The following FKBP3 variants were observed in gnomAD, a reference collection of about 807,000 sequenced individuals.
FKBP3 encodes peptidyl-prolyl cis-trans isomerase FKBP3.
A neutral mutation model predicts 30.6 loss-of-function variants in FKBP3; 21 were observed. The ratio of observed to expected loss-of-function variants is 0.69; its 90% CI spans 0.49 to 0.99. FKBP3 has a LOEUF of 0.99. Ranked by LOEUF, FKBP3 falls within the 50% of genes least tolerant of loss-of-function variation. The probability of loss-of-function intolerance (pLI) is 0.00; values close to 1 mark genes in which losing one functional copy is unlikely to be tolerated. For synonymous variants in FKBP3, 82 were observed against 91.3 expected, an observed-to-expected ratio of 0.90 and a Z score of 0.58; for missense variants, 283 against 261.6, an observed-to-expected ratio of 1.08 and a Z score of -0.56.
chr14:45,125,076 T>C (rs1022064626), intron 3 of FKBP3, among the ~76,000 whole-genome samples: 16 of 152,128 alleles, frequency 1.1e-4, no homozygotes, highest in African/African-American at 3.6e-4. Flanking sequence ...ACCACCACAC[T>C]TGGCTAATTT....
chr14:45,132,825 G>C (rs1464570910), intron 1 of FKBP3, among the ~76,000 whole-genome samples: 1 of 152,064 alleles, frequency 6.6e-6, no homozygotes, highest in African/African-American at 2.4e-5. Context: ...TTTTACATAC[G>C]ATTCCACATG....
In FKBP3 at chr14:45,122,468, AAAGC is replaced by A. The variant is rs1240699526; in HGVS notation, c.319-852_319-849del. ...CATATCTATTAGTTCCTGAGTTTGA[AAAGC>A]AAGAGAAAAGTGTTTTCTTTATTCC... On this transcript the variant is annotated intron_variant, in intron 3 of 6. Coordinates refer to ENST00000396062, the MANE Select transcript of FKBP3 (RefSeq NM_002013.4). Among the ~76,000 whole-genome samples the A allele has an allele frequency of 5.3e-5, 8 of 152,168 alleles. No homozygotes were observed. The East Asian group carries it at 1.5e-3, about 29-fold the overall frequency.
chr14:45,134,218 C>G, intron 1 of FKBP3, 131 bp downstream of exon 1: 1 of 764,384 alleles, frequency 1.3e-6, no homozygotes, highest in Non-Finnish European at 2.2e-6. Context: ...TGGGCCTCTC[C>G]GGCCTTCCAG....
At chr14:45,126,638 A>G (rs1885104989) in intron 3 of FKBP3, among the ~76,000 whole-genome samples, 1 of 152,160 alleles carries the variant, frequency 6.6e-6, no homozygotes, top group South Asian at 2.1e-4. Context: ...GGAGTCACAA[A>G]TGTAATTTTG....
intron 5 of FKBP3, among the ~76,000 whole-genome samples, chr14:45,119,727 GC>G (rs1884940947): frequency 7.1e-6 from 1 of 141,020 alleles, no homozygotes; most frequent in South Asian, 2.3e-4. Flanking sequence ...TTGCTCTGTT[GC>G]CCAGGCTGGA....
intron 3 of FKBP3, 73 bp downstream of exon 3, chr14:45,129,721 G>A (rs981144678): frequency 3.8e-5 from 36 of 936,326 alleles, no homozygotes; most frequent in Non-Finnish European, 5.3e-5. Flanking sequence ...TGAGAAGTTA[G>A]TGCAAATAAT....
chr14:45,118,067 G>T lies in FKBP3; in HGVS notation c.581C>A (p.Pro194Gln). The change falls in exon 6 of 7, where the codon CCA becomes CAA. Residue 194 changes from proline (P) to glutamine (Q), a missense_variant. Pro to Gln is a moderately conservative substitution (Grantham distance 76). Transcript: ENST00000396062. ...TCCTTTCTTTCCGTAAGCCCATTCT[G>T]GTTCAATCTCCAGTCGAGCCTTTTC... ...KGEKARLEIE[P>Q]EWAYGKKGQP... 1 of 1,607,094 alleles carries T rather than the reference G, an allele frequency of 6.2e-7. No homozygotes were observed. Among genetic ancestry groups the T allele is most frequent in the Non-Finnish European group, 8.5e-7 (1 of 1,177,588 alleles).
rs371026903 is a variant in FKBP3 at position 45,133,038 on chromosome 14, ATGT to A, written c.108+1308_108+1310del. 9.8e-5 allele frequency among the ~76,000 whole-genome samples: 15 copies of A among 152,304 alleles called. 1 individual carries two copies. The East Asian group carries it at 2.7e-3, about 27-fold the overall frequency. On this transcript the variant is annotated intron_variant, in intron 1 of 6. Coordinates refer to ENST00000396062, the MANE Select transcript of FKBP3 (RefSeq NM_002013.4). Reference sequence around the variant, plus strand: ...ACACTGAGAATAGTTCTTGTTACAGATGTTGTATTAATATCTGCTAAATTAATC... The same window carrying A: ...ACACTGAGAATAGTTCTTGTTACAGATGTATTAATATCTGCTAAATTAATC...
At chr14:45,127,138 A>T (rs1350538706) in intron 3 of FKBP3, among the ~76,000 whole-genome samples, 2 of 93,950 alleles carry the variant, frequency 2.1e-5, no homozygotes, top group African/African-American at 1.5e-4. Flanking sequence ...TTTGAGACAG[A>T]GTTTCACTCT....
At chr14:45,118,217 A>C in intron 5 of FKBP3, 92 bp from the exon 6 acceptor site, 1 of 713,486 alleles carries the variant, frequency 1.4e-6, no homozygotes. Flanking sequence ...TGTTAAAACA[A>C]ACACAGAATC....
At chr14:45,121,086 A>G in intron 4 of FKBP3, 132 bp from the exon 5 acceptor site, 4 of 726,396 alleles carry the variant, frequency 5.5e-6, no homozygotes, top group Non-Finnish European at 8.9e-6. Flanking sequence ...TATGTATTTT[A>G]AAAGAAGGAA....
intron 3 of FKBP3, among the ~76,000 whole-genome samples, chr14:45,124,034 G>A (rs1382029384): frequency 6.6e-6 from 1 of 151,984 alleles, no homozygotes; most frequent in Non-Finnish European, 1.5e-5. Context: ...ATGTCCGATT[G>A]TGTTTATCTC....
rs1297250871 is a variant in FKBP3, at chr14:45,118,011, A to C, written c.620+17T>G. On this transcript the variant is annotated intron_variant, in intron 6 of 6. Coordinates refer to ENST00000396062, the MANE Select transcript of FKBP3 (RefSeq NM_002013.4). ...TTTTTTTTTTCAACTTTAATTATGA[A>C]GGGGAAAAAAGGATACTTGGCATCA... is the stretch of plus-strand genomic sequence containing the variant. 1 of 1,529,308 alleles carries C rather than the reference A, an allele frequency of 6.5e-7. No individual in the cohort carries two copies. The allele number at this position is 1,529,308 out of a possible 1,614,324, so 94.7% of individuals were successfully genotyped here.
At chr14:45,131,446 A>C (rs1885211401) in intron 1 of FKBP3, among the ~76,000 whole-genome samples, 1 of 152,086 alleles carries the variant, frequency 6.6e-6, no homozygotes, top group South Asian at 2.1e-4. Flanking sequence ...AGCCTGGCCA[A>C]CGTGACAAAA....
intron 5 of FKBP3, among the ~76,000 whole-genome samples, chr14:45,120,257 C>A (rs1393491432): frequency 6.6e-6 from 1 of 152,172 alleles, no homozygotes; most frequent in Non-Finnish European, 1.5e-5. Context: ...GTCTGCCCTA[C>A]TCTTTTATCT....
intron 3 of FKBP3, among the ~76,000 whole-genome samples, chr14:45,125,191 C>T (rs891273408): frequency 1.3e-5 from 2 of 152,216 alleles, no homozygotes; most frequent in African/African-American, 2.4e-5. Context: ...GTTGGGATTA[C>T]AGGCGTGAGC....
At chr14:45,130,967 T>G (rs1735750303) in intron 1 of FKBP3, 167 bp from the exon 2 acceptor site, 1 of 486,080 alleles carries the variant, frequency 2.1e-6, no homozygotes, top group Non-Finnish European at 3.6e-6. Context: ...AAGTAAGAGA[T>G]TTTTTAAAAA....
intron 6 of FKBP3, 67 bp from the exon 7 acceptor site, chr14:45,116,319 GGATAGGCTGACTA>G: frequency 8.7e-7 from 1 of 1,143,260 alleles, no homozygotes; most frequent in Non-Finnish European, 1.3e-6. Flanking sequence ...CCTTAGTGTA[GGATAGGCTGACTA>G]GATAGGCTCA....
rs757296457 is a variant in FKBP3, at chr14:45,134,430, C to A, written c.27G>T (p.Ala9=). The A allele has an allele frequency of 1.2e-6, 2 of 1,612,094 alleles. No homozygotes were observed. The highest frequency in any genetic ancestry group is 2.2e-5 in the East Asian group (1 of 44,714). ...CACTGCGCAGCTGCTCCACGGTCCA[C>A]GCCCGCTGTGGAACGGCCGCCGCCA... The part of the protein sequence containing the change: MAAAVPQR[A]WTVEQLRSEQ... Residue 9 remains alanine, a synonymous_variant, in exon 1 of 7, where the codon GCG becomes GCT. Coordinates refer to ENST00000396062, the MANE Select transcript of FKBP3 (RefSeq NM_002013.4).
Sources: gnomAD v4.1 joint callset for allele counts (sites outside exome capture counted in the v4.1 genomes callset) on GRCh38, gnomAD v4.1.1 for gene constraint, MANE v1.5 for transcripts, NCBI Gene and HGNC (gene_info 2026-07-23, HGNC 2026-07-21) for gene names.